SUGCT: variants seen among roughly 807,000 people sequenced by gnomAD.
The protein encoded by SUGCT is succinyl-CoA:glutarate CoA-transferase.
A neutral mutation model predicts 55.0 loss-of-function variants in SUGCT; 41 were observed. The observed-to-expected ratio is 0.74, with a 90% confidence interval of 0.58 to 0.97. The LOEUF is 0.97. SUGCT is among the 50% of genes least tolerant of loss of function. The pLI, the probability that SUGCT is intolerant of heterozygous loss-of-function variation, is 0.00. For missense variants in SUGCT, 568 were observed against 547.8 expected (o/e 1.04, Z -0.37); for synonymous variants, 187 against 200.4 (o/e 0.93, Z 0.56).
chr7:40,582,894 T>C (rs966885144), intron 12 of SUGCT, among the ~76,000 whole-genome samples: 8 of 152,198 alleles, frequency 5.3e-5, no homozygotes, highest in Non-Finnish European at 1.2e-4. Flanking sequence ...TTTTCTATAA[T>C]AGTAATGCTG....
At chr7:40,862,706 G>A (rs542757613), downstream of SUGCT, among the ~76,000 whole-genome samples, 4 of 150,780 alleles carry the variant, frequency 2.7e-5, no homozygotes, top group Non-Finnish European at 5.9e-5. Flanking sequence ...AAGTGTGTCC[G>A]TAAGCAAATG....
At chr7:40,473,254 A>G (rs564326179) in intron 11 of SUGCT, among the ~76,000 whole-genome samples, 56 of 152,326 alleles carry the variant, frequency 3.7e-4, no homozygotes, top group Non-Finnish European at 6.0e-4. Flanking sequence ...CAGTAATCAT[A>G]TGAAGCATCT....
the SUGCT span, among the ~76,000 whole-genome samples, chr7:41,028,270 A>G: frequency 6.6e-6 from 1 of 152,244 alleles, no homozygotes; most frequent in Admixed American, 6.5e-5. Context: ...TGTTGAGAAA[A>G]CTAGCATGGA....
intron 13 of SUGCT, among the ~76,000 whole-genome samples, chr7:40,858,855 C>T (rs1454651268): frequency 6.6e-6 from 1 of 152,158 alleles, no homozygotes; most frequent in Non-Finnish European, 1.5e-5. Flanking sequence ...AAAGTTGTCC[C>T]TCTGTAGTGG....
chr7:40,572,440 G>T (rs2151691244), intron 12 of SUGCT, among the ~76,000 whole-genome samples: 1 of 152,168 alleles, frequency 6.6e-6, no homozygotes, highest in Admixed American at 6.5e-5. Flanking sequence ...GAGCTTTCTG[G>T]GATCTAAGGA....
chr7:40,875,100 C>A, the SUGCT span, among the ~76,000 whole-genome samples: 1 of 152,216 alleles, frequency 6.6e-6, no homozygotes, highest in African/African-American at 2.4e-5. Flanking sequence ...ACTATTAACC[C>A]TTTACTGCGC....
intron 9 of SUGCT, among the ~76,000 whole-genome samples, chr7:40,410,344 G>C (rs1786604867): frequency 6.6e-6 from 1 of 151,798 alleles, no homozygotes; most frequent in Non-Finnish European, 1.5e-5. Flanking sequence ...TTAGTTCTTT[G>C]TATAACTTTG....
intron 11 of SUGCT, among the ~76,000 whole-genome samples, chr7:40,460,207 T>A (rs1789715891): frequency 1.3e-5 from 2 of 152,230 alleles, no homozygotes; most frequent in Admixed American, 6.5e-5. Context: ...GGATTTGAAA[T>A]ACTTTTGTAA....
chr7:40,492,465 A>G (rs920937695), intron 11 of SUGCT, among the ~76,000 whole-genome samples: 12 of 152,192 alleles, frequency 7.9e-5, no homozygotes, highest in African/African-American at 2.9e-4. Context: ...TGAGTAGGTC[A>G]GTCCCCTGCC....
At chr7:40,285,552 C>G (rs1562646086) in intron 8 of SUGCT, among the ~76,000 whole-genome samples, 1 of 151,010 alleles carries the variant, frequency 6.6e-6, no homozygotes, top group Non-Finnish European at 1.5e-5. Flanking sequence ...TGTGTATTGG[C>G]TAATCAATCA....
chr7:40,784,098 T>A (rs181911046), intron 13 of SUGCT, among the ~76,000 whole-genome samples: 7 of 152,296 alleles, frequency 4.6e-5, no homozygotes, highest in Non-Finnish European at 1.0e-4. Flanking sequence ...TCCCTGAGTA[T>A]GATACCTTCT....
At chr7:40,345,805 C>T (rs1321688301) in intron 9 of SUGCT, among the ~76,000 whole-genome samples, 1 of 151,948 alleles carries the variant, frequency 6.6e-6, no homozygotes, top group Non-Finnish European at 1.5e-5. Flanking sequence ...TCTTTCCATT[C>T]CAAGGATTAC....
chr7:40,741,535 G>A (rs78292445), intron 12 of SUGCT, among the ~76,000 whole-genome samples: 7,043 of 152,196 alleles, frequency 0.046, 212 homozygotes, highest in Middle Eastern at 0.072. Context: ...AAGTGATTAA[G>A]GAAAATTATT....
chr7:40,267,763 T>A (rs1397145181), intron 7 of SUGCT, among the ~76,000 whole-genome samples: 1 of 152,228 alleles, frequency 6.6e-6, no homozygotes. Context: ...TGGGAATTTC[T>A]ACTCACTAAA....
At chr7:40,392,025 A>G (rs1785462474) in intron 9 of SUGCT, among the ~76,000 whole-genome samples, 1 of 152,218 alleles carries the variant, frequency 6.6e-6, no homozygotes, top group Admixed American at 6.5e-5. Flanking sequence ...TGAGCAAACT[A>G]TTGCAAGGAC....
the SUGCT span, among the ~76,000 whole-genome samples, chr7:40,980,879 G>A: frequency 6.6e-6 from 1 of 152,104 alleles, no homozygotes; most frequent in African/African-American, 2.4e-5. Context: ...TGTATCTTTG[G>A]TAGAGACAGA....
chr7:40,916,163 G>A, the SUGCT span, among the ~76,000 whole-genome samples: 6 of 151,766 alleles, frequency 4.0e-5, no homozygotes, highest in Admixed American at 2.0e-4. Flanking sequence ...GAGATTAACC[G>A]CAGTGGGTGG....
chr7:40,205,367 C>T lies in SUGCT; in HGVS notation c.484+10307C>T, dbSNP rs1000959403. 7.4e-5 allele frequency among the ~76,000 whole-genome samples: 11 copies of T among 149,244 alleles called. No homozygotes were observed. In the South Asian group the frequency reaches 8.5e-4, roughly 12 times the overall value. On this transcript the variant is annotated intron_variant, in intron 6 of 13. Coordinates refer to ENST00000335693, the MANE Select transcript of SUGCT (RefSeq NM_001193313.2). ...GTTAAAAGTGACAAAATTGGCCGGG[C>T]GCGGTGGCTCACGCCTGTAATCCCA...
At chr7:40,457,075 G>GT (rs902984501) in intron 10 of SUGCT, among the ~76,000 whole-genome samples, 1 of 144,732 alleles carries the variant, frequency 6.9e-6, no homozygotes, top group Non-Finnish European at 1.5e-5. Flanking sequence ...TTTTTTTTTT[G>GT]TTTTTGCCAA....
Sources: allele counts gnomAD v4.1 joint callset (sites outside exome capture counted in the v4.1 genomes callset), GRCh38; gene constraint gnomAD v4.1.1; transcripts MANE v1.5; gene names NCBI Gene and HGNC (gene_info 2026-07-23, HGNC 2026-07-21).